CTNNA2: variants seen among roughly 807,000 people sequenced by gnomAD.
The protein encoded by CTNNA2 is catenin alpha 2.
CTNNA2 carries 42 observed loss-of-function variants against 101.0 expected under a neutral mutation model. The observed-to-expected ratio is 0.42, with a 90% confidence interval of 0.32 to 0.54. The LOEUF (loss-of-function observed/expected upper bound fraction) is 0.54. Among genes scored for constraint, CTNNA2 ranks in the 20% least tolerant of loss-of-function variants. The pLI, the probability that CTNNA2 is intolerant of heterozygous loss-of-function variation, is 0.14. For missense variants in CTNNA2, 871 were observed against 1,223.1 expected (o/e 0.71, Z 4.29); for synonymous variants, 450 against 456.4 (o/e 0.99, Z 0.18).
At chr2:79,227,111 C>T (rs576733741) in intron 2 of CTNNA2, among the ~76,000 whole-genome samples, 4 of 152,256 alleles carry the variant, frequency 2.6e-5, no homozygotes, top group Non-Finnish European at 5.9e-5. Flanking sequence ...TTGAGCCCTT[C>T]ATACCTCAGA....
chr2:80,194,111 T>A, intron 7 of CTNNA2, among the ~76,000 whole-genome samples: 1 of 152,314 alleles, frequency 6.6e-6, no homozygotes, highest in East Asian at 1.9e-4. Flanking sequence ...CAATTTTAAT[T>A]CAAGTCAAGG....
chr2:80,517,341 C>G (rs1209299374), intron 9 of CTNNA2, among the ~76,000 whole-genome samples: 1 of 152,124 alleles, frequency 6.6e-6, no homozygotes, highest in Non-Finnish European at 1.5e-5. Context: ...AGGTGGGGAC[C>G]ACGGATGGAT....
chr2:80,466,486 T>G (rs918237329), intron 9 of CTNNA2, among the ~76,000 whole-genome samples: 7 of 152,204 alleles, frequency 4.6e-5, no homozygotes, highest in African/African-American at 1.7e-4. Context: ...CACATTTCTT[T>G]AACATACCAA....
At chr2:80,071,275 C>G (rs531759575) in intron 7 of CTNNA2, among the ~76,000 whole-genome samples, 11 of 152,124 alleles carry the variant, frequency 7.2e-5, no homozygotes, top group Non-Finnish European at 1.3e-4. Flanking sequence ...AGAATTGTAA[C>G]AAGAAAGAAA....
intron 16 of CTNNA2, among the ~76,000 whole-genome samples, chr2:80,605,957 G>GT (rs758305335): frequency 2.6e-4 from 39 of 151,602 alleles, no homozygotes; most frequent in Non-Finnish European, 4.0e-4. Context: ...TAAACTGAGG[G>GT]TTTTTTTTGA....
intron 7 of CTNNA2, among the ~76,000 whole-genome samples, chr2:80,349,326 C>G (rs1673068249): frequency 6.6e-6 from 1 of 152,166 alleles, no homozygotes; most frequent in Non-Finnish European, 1.5e-5. Context: ...CATAGCATCA[C>G]ACTGAGAGAA....
intron 2 of CTNNA2, among the ~76,000 whole-genome samples, chr2:79,311,027 A>T (rs982644064): frequency 8.5e-5 from 13 of 152,204 alleles, no homozygotes; most frequent in Non-Finnish European, 1.8e-4. Flanking sequence ...CACAGGAATT[A>T]TAACTTGCAT....
At chr2:80,163,303 A>C (rs1704453032) in intron 7 of CTNNA2, among the ~76,000 whole-genome samples, 1 of 151,976 alleles carries the variant, frequency 6.6e-6, no homozygotes, top group Non-Finnish European at 1.5e-5. Flanking sequence ...TGGTCATTTT[A>C]TATATATATA....
chr2:79,449,692 A>G (rs1461797474), intron 4 of CTNNA2, among the ~76,000 whole-genome samples: 1 of 152,018 alleles, frequency 6.6e-6, no homozygotes, highest in African/African-American at 2.4e-5. Flanking sequence ...TGTTTCACCA[A>G]GAGTACTATG....
intron 7 of CTNNA2, among the ~76,000 whole-genome samples, chr2:80,004,212 A>G (rs1384377737): frequency 6.6e-6 from 1 of 152,184 alleles, no homozygotes; most frequent in Non-Finnish European, 1.5e-5. Context: ...TGGGCGCAAT[A>G]ACTATTTCTG....
chr2:79,242,993 T>TATAC lies in CTNNA2; in HGVS notation c.-406+44918_-406+44919insTACA, dbSNP rs1306982182. On this transcript the variant is annotated intron_variant, in intron 2 of 21. Coordinates refer to the CTNNA2 transcript ENST00000466387. ...AAATATATATATATATATATATATA[T>TATAC]ACACACACACACACACACACACACA... Among the ~76,000 whole-genome samples the TATAC allele has an allele frequency of 5.0e-3, 581 of 116,684 alleles. 5 individuals carry two copies. The highest frequency in any genetic ancestry group is 0.024 in the South Asian group (80 of 3,276). 76.5% of individuals were successfully genotyped at this position (116,684 alleles called of 152,430 possible).
intron 17 of CTNNA2, among the ~76,000 whole-genome samples, chr2:80,615,315 CAG>C (rs1290806859): frequency 5.3e-5 from 8 of 151,446 alleles, no homozygotes; most frequent in African/African-American, 1.9e-4. Context: ...GGCAAACAAT[CAG>C]AGATTCAAAG....
intron 11 of CTNNA2, 74 bp downstream of exon 11, chr2:80,546,137 A>C (rs1413144712): frequency 2.6e-6 from 4 of 1,544,600 alleles, no homozygotes; most frequent in Admixed American, 1.8e-5. Context: ...ATGTCTCGCA[A>C]ATGTCATGGA....
rs181515495 is a variant in CTNNA2, at chr2:80,226,299, G to C, written c.1057-166912G>C. 2.0e-5 allele frequency among the ~76,000 whole-genome samples: 3 copies of C among 152,322 alleles called. 1 individual carries two copies. The South Asian group carries it at 6.2e-4, about 32-fold the overall frequency. ...TATGACTTCATGATGAAGGGATAAA[G>C]GCATGGTTTTAAACCGAACTCCTCT... is the stretch of plus-strand genomic sequence containing the variant. On this transcript the variant is annotated intron_variant, in intron 7 of 18. Transcript: ENST00000402739.
intron 2 of CTNNA2, among the ~76,000 whole-genome samples, chr2:79,242,889 G>T (rs564626842): frequency 2.2e-4 from 33 of 151,450 alleles, no homozygotes; most frequent in African/African-American, 8.0e-4. Context: ...GATTCGTTGA[G>T]GGGGGAGTAT....
intron 7 of CTNNA2, among the ~76,000 whole-genome samples, chr2:79,974,937 C>T (rs1157849022): frequency 6.6e-6 from 1 of 151,990 alleles, no homozygotes; most frequent in Non-Finnish European, 1.5e-5. Context: ...CATGCAGATA[C>T]CTGGAGAACA....
At chr2:80,095,192 T>C (rs575931040) in intron 7 of CTNNA2, among the ~76,000 whole-genome samples, 1 of 152,356 alleles carries the variant, frequency 6.6e-6, no homozygotes, top group East Asian at 1.9e-4. Flanking sequence ...ATACCTAATT[T>C]ATTGAGAGTT....
chr2:79,591,911 T>TAA (rs1676878583), intron 1 of CTNNA2, among the ~76,000 whole-genome samples: 2 of 61,822 alleles, frequency 3.2e-5, no homozygotes, highest in Non-Finnish European at 6.1e-5. Flanking sequence ...AAAAAAAATT[T>TAA]TTTTTTTTTT....
At chr2:80,137,888 C>T (rs1702784534) in intron 7 of CTNNA2, among the ~76,000 whole-genome samples, 1 of 152,064 alleles carries the variant, frequency 6.6e-6, no homozygotes, top group Admixed American at 6.6e-5. Flanking sequence ...GTTTCTCAAA[C>T]TGTTTTGCTG....
Sources: gnomAD v4.1 joint callset for allele counts (sites outside exome capture counted in the v4.1 genomes callset) on GRCh38, gnomAD v4.1.1 for gene constraint, MANE v1.5 for transcripts, NCBI Gene and HGNC (gene_info 2026-07-23, HGNC 2026-07-21) for gene names.